Variants in CCNA1 observed in about 807,000 individuals in gnomAD.
CCNA1 encodes the protein cyclin-A1.
In CCNA1, 23 loss-of-function variants were observed where a neutral mutation model predicts 54.1. The ratio of observed to expected loss-of-function variants is 0.42; its 90% CI spans 0.31 to 0.60. The LOEUF is 0.60. Ranked by LOEUF, CCNA1 falls within the 20% of genes least tolerant of loss-of-function variation. The pLI is 0.14. For synonymous variants in CCNA1, 208 were observed against 213.9 expected (o/e 0.97, Z 0.24); for missense variants, 450 against 556.7 (o/e 0.81, Z 1.93).
intron 4 of CCNA1, among the ~76,000 whole-genome samples, chr13:36,438,419 C>G (rs572951107): frequency 6.6e-6 from 1 of 152,062 alleles, no homozygotes; most frequent in African/African-American, 2.4e-5. Context: ...AGGAATAATT[C>G]ATATTGCCAT....
In CCNA1 at chr13:36,437,723, C is replaced by T. The variant is rs755751093; in HGVS notation, c.392C>T (p.Pro131Leu). 6.2e-7 allele frequency: 1 copy of T among 1,614,104 alleles called. No individual in the cohort carries two copies. The highest frequency in any genetic ancestry group is 1.1e-5 in the South Asian group (1 of 91,090). ...CCTGACTGTGGGGTCCAAGAGCCCCCCAAGCAAGGGTTTGACATCTACATG... is the reference window on the plus strand; with the variant it reads ...CCTGACTGTGGGGTCCAAGAGCCCCTCAAGCAAGGGTTTGACATCTACATG... The change falls in exon 3 of 9, where the codon CCC (proline) becomes CTC (leucine). Residue 131 changes from proline to leucine, a missense_variant. Around this residue, in one of 6 missense-constraint regions of CCNA1, gnomAD observed 103 missense variants for 92.9 expected, o/e 1.11. Transcript: ENST00000255465.
intron 7 of CCNA1, among the ~76,000 whole-genome samples, chr13:36,441,500 G>C (rs535743334): frequency 6.6e-6 from 1 of 152,182 alleles, no homozygotes; most frequent in African/African-American, 2.4e-5. Flanking sequence ...TATTCAGGGA[G>C]GGCCCTTGAG....
chr13:36,435,245 T>C (rs920396587), intron 2 of CCNA1, among the ~76,000 whole-genome samples: 1 of 152,226 alleles, frequency 6.6e-6, no homozygotes, highest in African/African-American at 2.4e-5. Context: ...TGAGAGTTTG[T>C]CGTATCTTGA....
At position 36,433,048 on chromosome 13, in the gene CCNA1, T is replaced by TCTG. The variant is rs1313567043; in HGVS notation, c.125_127dup (p.Ser42_Glu43insAla). 6.2e-7 allele frequency: 1 copy of TCTG among 1,613,092 alleles called. No individual in the cohort carries two copies. On this transcript the variant is annotated inframe_insertion, in exon 2 of 9. Coordinates refer to ENST00000255465, the MANE Select transcript of CCNA1 (RefSeq NM_003914.4). ...TCCCTGGTAGCAGCAGCCCGTGGAG[T>TCTG]CTGAAGCAATGCACTGCAGCAACCC...
Position 36,442,739 on chromosome 13 carries a change from C to T in CCNA1, c.*74C>T, listed in dbSNP as rs576581168. On this transcript the variant is annotated 3_prime_UTR_variant, in exon 9 of 9. Coordinates refer to ENST00000255465, the MANE Select transcript of CCNA1 (RefSeq NM_003914.4). ...CCAATAATCGTCATAGGCTTCTGCA[C>T]GTTGGATCAACTAATGTTGTTTACA... 6 of 1,191,810 alleles carry T rather than the reference C, an allele frequency of 5.0e-6. No individual in the cohort carries two copies. The highest frequency in any genetic ancestry group is 4.7e-5 in the East Asian group (2 of 42,900). The allele number at this position is 1,191,810 out of a possible 1,614,324, so 73.8% of individuals were successfully genotyped here. A position where few individuals can be genotyped will look rare whatever the true frequency, so the allele number is the denominator to read the frequency against.
At chr13:36,440,437 C>T (rs190101226) in intron 6 of CCNA1, among the ~76,000 whole-genome samples, 7 of 152,264 alleles carry the variant, frequency 4.6e-5, no homozygotes, top group Admixed American at 2.0e-4. Flanking sequence ...GGAAACTGTT[C>T]TCTTATTGGA....
intron 2 of CCNA1, among the ~76,000 whole-genome samples, chr13:36,435,258 T>C (rs2055788458): frequency 6.6e-6 from 1 of 152,238 alleles, no homozygotes; most frequent in Non-Finnish European, 1.5e-5. Context: ...TATCTTGACA[T>C]ATATAATGTT....
In CCNA1 at chr13:36,433,087, G is replaced by A; in HGVS notation, c.163G>A (p.Val55Met). ...CTGCAGCAACCCCAAGAGTGGAGTT[G>A]TGCTGGCTACAGTGGCCCGAGGTCC... The change falls in exon 2 of 9, where the codon GTG becomes ATG. Residue 55 changes from valine (V) to methionine (M), a missense_variant. By Grantham distance (21) the Val-to-Met change is conservative. Transcript: ENST00000255465. The A allele has an allele frequency of 6.2e-7, 1 of 1,614,200 alleles. No individual in the cohort carries two copies. Among genetic ancestry groups the A allele is most frequent in the Non-Finnish European group, 8.5e-7 (1 of 1,180,022 alleles).
In CCNA1 at chr13:36,432,669, G is replaced by T; in HGVS notation, c.48G>T (p.Gly16=). ...TCATGTACCCTGGATCTTTTATTGGGGGCTGGGGAGAAGAGTATCTCAGCT... is the reference window on the plus strand; with the variant it reads ...TCATGTACCCTGGATCTTTTATTGGTGGCTGGGGAGAAGAGTATCTCAGCT... The change falls in exon 1 of 9, where the codon GGG becomes GGT. Residue 16 remains glycine (G), a synonymous_variant. Transcript: ENST00000255465. The T allele has an allele frequency of 6.2e-7, 1 of 1,611,952 alleles. No individual in the cohort carries two copies. The highest frequency in any genetic ancestry group is 8.5e-7 in the Non-Finnish European group (1 of 1,179,180).
chr13:36,433,370 T>TCTTTC (rs1491130202), intron 2 of CCNA1, 149 bp downstream of exon 2: 9 of 317,592 alleles, frequency 2.8e-5, no homozygotes, highest in Non-Finnish European at 2.7e-5. Flanking sequence ...GATTGATTTA[T>TCTTTC]TTTCTTTCTT....
rs2055837494 is a variant in CCNA1 at position 36,438,651 on chromosome 13, A to G, written c.677A>G (p.His226Arg). The G allele has an allele frequency of 6.2e-7, 1 of 1,613,470 alleles. No individual in the cohort carries two copies. The highest frequency in any genetic ancestry group is 8.5e-7 in the Non-Finnish European group (1 of 1,179,716). The change falls in exon 5 of 9, where the codon CAC becomes CGC. Residue 226 changes from histidine to arginine, a missense_variant. Physicochemically the swap from His to Arg is conservative, Grantham distance 29. This residue lies in a region of CCNA1 where 150 missense variants were observed against 219.7 expected (regional missense o/e 0.68). Coordinates refer to ENST00000255465, the MANE Select transcript of CCNA1 (RefSeq NM_003914.4). ...AAACCTTTTCCCAATCAGATAAGGC[A>G]CAGACCCAAAGCACACTACATGAAG...
intron 7 of CCNA1, 69 bp downstream of exon 7, chr13:36,441,300 C>A: frequency 1.1e-6 from 1 of 883,770 alleles, no homozygotes; most frequent in Non-Finnish European, 1.9e-6. Flanking sequence ...CTTATGAGGG[C>A]AAGTTAGTTT....
chr13:36,441,781 T>G (rs2055877945), intron 7 of CCNA1, among the ~76,000 whole-genome samples: 2 of 152,188 alleles, frequency 1.3e-5, no homozygotes, highest in African/African-American at 4.8e-5. Flanking sequence ...TGCATTTTCT[T>G]TTTTTAAAAA....
rs775879131 is a variant in CCNA1 at position 36,437,712 on chromosome 13, C to A, written c.381C>A (p.Val127=). The A allele has an allele frequency of 1.2e-6, 2 of 1,614,000 alleles. No individual in the cohort carries two copies. The highest frequency in any genetic ancestry group is 1.7e-6 in the Non-Finnish European group (2 of 1,179,876). ...AGAAAGCACTCCCTGACTGTGGGGTCCAAGAGCCCCCCAAGCAAGGGTTTG... is the reference window on the plus strand; with the variant it reads ...AGAAAGCACTCCCTGACTGTGGGGTACAAGAGCCCCCCAAGCAAGGGTTTG... Residue 127 remains valine (V), a synonymous_variant, in exon 3 of 9, where the codon GTC becomes GTA. Coordinates refer to ENST00000255465, the MANE Select transcript of CCNA1 (RefSeq NM_003914.4).
At chr13:36,432,997 G>A (rs1593318666) in intron 1 of CCNA1, 36 bp from the exon 2 acceptor site, 1 of 1,589,382 alleles carries the variant, frequency 6.3e-7, no homozygotes. Flanking sequence ...GGACGGAATC[G>A]ACTAAACAGC....
chr13:36,437,452 AG>A (rs1173295610), intron 2 of CCNA1, among the ~76,000 whole-genome samples, 176 bp from the exon 3 acceptor site: 3 of 152,120 alleles, frequency 2.0e-5, no homozygotes, highest in Non-Finnish European at 1.5e-5. Flanking sequence ...GACAAAGATA[AG>A]GGGGGAAAAA....
rs938677675 is a variant in CCNA1, at chr13:36,435,177, G to C, written c.297+1956G>C. Among the ~76,000 whole-genome samples, 10 of 152,194 alleles carry C rather than the reference G, an allele frequency of 6.6e-5. No homozygotes were observed. In the East Asian group the frequency reaches 1.9e-3, roughly 29 times the overall value. On this transcript the variant is annotated intron_variant, in intron 2 of 8. Coordinates refer to ENST00000255465, the MANE Select transcript of CCNA1 (RefSeq NM_003914.4). ...CATTATGTCGATTAAAGTAATTTAA[G>C]TGCTTAAAGAAATTTAAGTAATGGG...
intron 5 of CCNA1, 89 bp from the exon 6 acceptor site, chr13:36,439,890 A>G: frequency 1.3e-6 from 1 of 775,132 alleles, no homozygotes; most frequent in Non-Finnish European, 2.2e-6. Context: ...TAAGTCTGCA[A>G]GGGCCATGCG....
intron 2 of CCNA1, among the ~76,000 whole-genome samples, chr13:36,435,260 TA>T (rs933651605): frequency 2.0e-5 from 3 of 152,254 alleles, no homozygotes; most frequent in Admixed American, 1.3e-4. Context: ...TCTTGACATA[TA>T]TAATGTTGCC....
Sources: gnomAD v4.1 joint callset for allele counts (sites outside exome capture counted in the v4.1 genomes callset) on GRCh38, gnomAD v4.1.1 for gene constraint, gnomAD v4.1.1 regional missense constraint, MANE v1.5 for transcripts, NCBI Gene and HGNC (gene_info 2026-07-23, HGNC 2026-07-21) for gene names.